MRGPRX3: variants seen among roughly 807,000 people sequenced by gnomAD.
MRGPRX3 encodes the protein MAS related GPR family member X3.
MRGPRX3 carries 14 observed loss-of-function variants against 16.5 expected under a neutral mutation model. The observed-to-expected ratio is 0.85, with a 90% CI of 0.56 to 1.33. MRGPRX3 has a LOEUF of 1.33. MRGPRX3 is among the 40% of genes most tolerant of loss of function. The pLI is 0.00. For missense variants in MRGPRX3, 449 were observed against 413.0 expected (o/e 1.09, Z -0.76); for synonymous variants, 199 against 180.1 (o/e 1.10, Z -0.84).
At chr11:18,127,182 T>C (rs1375378086) in intron 1 of MRGPRX3, among the ~76,000 whole-genome samples, 1 of 152,224 alleles carries the variant, frequency 6.6e-6, no homozygotes, top group Non-Finnish European at 1.5e-5. Context: ...AACCTGACCT[T>C]TCTCTCTGGC....
rs1351135863 is a variant in MRGPRX3 at position 18,138,009 on chromosome 11, C to T, written c.807C>T (p.Pro269=). 3 of 1,614,180 alleles carry T rather than the reference C, an allele frequency of 1.9e-6. No individual in the cohort carries two copies. Among genetic ancestry groups the T allele is most frequent in the South Asian group, 1.1e-5 (1 of 91,068 alleles). The change falls in exon 2 of 2, where the codon CCC becomes CCT. Residue 269 remains proline (P), a synonymous_variant. Coordinates refer to ENST00000621697, the MANE Select transcript of MRGPRX3 (RefSeq NM_001370464.1). ...CCGCTCTTAACAGCAGTGCCAACCCCATCATTTACTTCTTCGTGGGCTCCT... is the reference window on the plus strand; with the variant it reads ...CCGCTCTTAACAGCAGTGCCAACCCTATCATTTACTTCTTCGTGGGCTCCT... ...FLSALNSSAN[P]IIYFFVGSFR... is the part of the protein sequence containing the mutation.
Position 18,127,492 on chromosome 11 carries a change from ACTTCT to A in MRGPRX3, c.-151-5116_-151-5112del, listed in dbSNP as rs1182618659. ...TTTCTTTTCATTCTTTTTTCTCTAA[ACTTCT>A]CTTCTTGCTTCATTTCATTCATTTG... is the stretch of plus-strand genomic sequence containing the variant. On this transcript the variant is annotated intron_variant, in intron 1 of 2. Coordinates refer to the MRGPRX3 transcript ENST00000396275. Among the ~76,000 whole-genome samples the A allele has an allele frequency of 3.3e-5, 5 of 151,964 alleles. No individual in the cohort carries two copies. In the East Asian group the frequency reaches 9.7e-4, roughly 29 times the overall value.
chr11:18,129,372 A>G (rs1301100348), upstream of MRGPRX3, among the ~76,000 whole-genome samples: 1 of 152,256 alleles, frequency 6.6e-6, no homozygotes, highest in Non-Finnish European at 1.5e-5. Context: ...CCAATGCTAT[A>G]GAAATACAAA....
chr11:18,124,891 T>G (rs1278996206), intron 1 of MRGPRX3, among the ~76,000 whole-genome samples: 9 of 152,232 alleles, frequency 5.9e-5, no homozygotes, highest in African/African-American at 2.4e-5. Flanking sequence ...ATTCAGAGAT[T>G]CAACTTCTTC....
intron 1 of MRGPRX3, among the ~76,000 whole-genome samples, chr11:18,121,603 G>C (rs1172589704): frequency 6.6e-6 from 1 of 152,272 alleles, no homozygotes; most frequent in Non-Finnish European, 1.5e-5. Context: ...TGGTTGCCGT[G>C]TCTGTGTGGA....
intron 1 of MRGPRX3, among the ~76,000 whole-genome samples, chr11:18,133,012 C>T (rs774178244): frequency 6.6e-6 from 1 of 152,190 alleles, no homozygotes; most frequent in Non-Finnish European, 1.5e-5. Context: ...CTGCCTCTTA[C>T]ATTCATTTAA....
upstream of MRGPRX3, among the ~76,000 whole-genome samples, chr11:18,128,909 G>A (rs1848931602): frequency 6.6e-6 from 1 of 152,080 alleles, no homozygotes; most frequent in Non-Finnish European, 1.5e-5. Context: ...GTTCCTATTT[G>A]GCCATCTTGG....
intron 1 of MRGPRX3, among the ~76,000 whole-genome samples, chr11:18,127,118 T>C (rs1848906726): frequency 6.6e-6 from 1 of 152,366 alleles, no homozygotes; most frequent in East Asian, 1.9e-4. Context: ...TTCTGGCTTG[T>C]GGAGTTTCTG....
intron 1 of MRGPRX3, among the ~76,000 whole-genome samples, chr11:18,125,696 TA>T (rs1848887543): frequency 6.6e-6 from 1 of 152,224 alleles, no homozygotes; most frequent in Admixed American, 6.5e-5. Flanking sequence ...TGTAGATGTC[TA>T]TTAGGTCCGC....
intron 1 of MRGPRX3, among the ~76,000 whole-genome samples, chr11:18,135,902 C>A (rs1294490607): frequency 2.0e-5 from 3 of 152,146 alleles, no homozygotes; most frequent in Non-Finnish European, 4.4e-5. Context: ...TCATTATCTG[C>A]AATACAGGAA....
intron 1 of MRGPRX3, among the ~76,000 whole-genome samples, chr11:18,123,607 G>C (rs1026356611): frequency 6.6e-5 from 10 of 152,140 alleles, no homozygotes; most frequent in East Asian, 1.9e-4. Context: ...AGTATAGTTT[G>C]AAGTCAGGTA....
chr11:18,125,792 A>G (rs1848888904), intron 1 of MRGPRX3, among the ~76,000 whole-genome samples: 1 of 152,194 alleles, frequency 6.6e-6, no homozygotes, highest in Admixed American at 6.5e-5. Flanking sequence ...GTGGGGTATT[A>G]AAGTCTCCCA....
At position 18,137,784 on chromosome 11, in the gene MRGPRX3, C is replaced by T; in HGVS notation, c.582C>T (p.Ser194=). 1 of 1,614,020 alleles carries T rather than the reference C, an allele frequency of 6.2e-7. No homozygotes were observed. Among genetic ancestry groups the T allele is most frequent in the Non-Finnish European group, 8.5e-7 (1 of 1,179,996 alleles). Residue 194 remains serine, a synonymous_variant, in exon 2 of 2, where the codon TCC becomes TCT. Transcript: ENST00000621697. The stretch of plus-strand genomic sequence containing the variant: ...TTTTATGTGTGGTTCTCTGTGGGTC[C>T]AGCCTGGTCCTGCTGGTCAGGATTC... The part of the protein sequence containing the change: ...LVFLCVVLCG[S]SLVLLVRILC...
intron 1 of MRGPRX3, among the ~76,000 whole-genome samples, chr11:18,127,191 G>A (rs1386861726): frequency 6.6e-6 from 1 of 152,114 alleles, no homozygotes; most frequent in Non-Finnish European, 1.5e-5. Flanking sequence ...TTTCTCTCTG[G>A]CTGCCCTTAA....
chr11:18,124,809 A>T (rs1328494391), intron 1 of MRGPRX3, among the ~76,000 whole-genome samples: 4 of 152,158 alleles, frequency 2.6e-5, no homozygotes, highest in Admixed American at 6.6e-5. Flanking sequence ...CTGTGAATTC[A>T]TCTGGTCCTG....
chr11:18,131,865 C>T (rs183558617), upstream of MRGPRX3, among the ~76,000 whole-genome samples: 2 of 151,958 alleles, frequency 1.3e-5, no homozygotes, highest in Admixed American at 1.3e-4. Flanking sequence ...TGTGAGGACA[C>T]GAAGGCATAG....
intron 1 of MRGPRX3, among the ~76,000 whole-genome samples, chr11:18,125,078 T>G (rs1045760575): frequency 9.4e-5 from 10 of 106,246 alleles, no homozygotes; most frequent in African/African-American, 2.3e-4. Context: ...TTCTTCTCTC[T>G]TTTCTTCTTT....
At chr11:18,123,188 T>G (rs1288917625) in intron 1 of MRGPRX3, among the ~76,000 whole-genome samples, 1 of 152,224 alleles carries the variant, frequency 6.6e-6, no homozygotes, top group Non-Finnish European at 1.5e-5. Context: ...GCTCTTTAGT[T>G]TCATTAGATC....
rs1849027178 is a variant in MRGPRX3 at position 18,137,752 on chromosome 11, C to T, written c.550C>T (p.Leu184=). The T allele has an allele frequency of 3.1e-6, 5 of 1,614,026 alleles. No homozygotes were observed. The highest frequency in any genetic ancestry group is 4.2e-6 in the Non-Finnish European group (5 of 1,180,000). The change falls in exon 2 of 2, where the codon CTG becomes TTG. Residue 184 remains leucine (L), a synonymous_variant. Coordinates refer to ENST00000621697, the MANE Select transcript of MRGPRX3 (RefSeq NM_001370464.1). The part of the protein sequence containing the change: ...ETSDFITIAW[L]VFLCVVLCGS... Reference sequence around the variant, plus strand: ...GTCAGATTTCATTACAATCGCGTGGCTGGTTTTTTTATGTGTGGTTCTCTG... The same window carrying T: ...GTCAGATTTCATTACAATCGCGTGGTTGGTTTTTTTATGTGTGGTTCTCTG...
Sources: allele counts gnomAD v4.1 joint callset (sites outside exome capture counted in the v4.1 genomes callset), GRCh38; gene constraint gnomAD v4.1.1; transcripts MANE v1.5; gene names NCBI Gene and HGNC (gene_info 2026-07-23, HGNC 2026-07-21).